The following SDAD1 variants were observed in gnomAD, a reference collection of about 807,000 sequenced individuals.
SDAD1 encodes the protein SDA1 domain containing 1, also known as protein SDA1 homolog.
SDAD1 carries 79 observed loss-of-function variants against 100.3 expected under a neutral mutation model. The ratio of observed to expected loss-of-function variants is 0.79; its 90% CI spans 0.66 to 0.95. The LOEUF (loss-of-function observed/expected upper bound fraction) is 0.95. SDAD1 is among the 40% of genes least tolerant of loss of function. The pLI, the probability that SDAD1 is intolerant of heterozygous loss-of-function variation, is 0.00. For synonymous variants in SDAD1, 267 were observed against 271.4 expected, an observed-to-expected ratio of 0.98 and a Z score of 0.16; for missense variants, 790 against 810.9, an observed-to-expected ratio of 0.97 and a Z score of 0.31.
intron 4 of SDAD1, among the ~76,000 whole-genome samples, chr4:75,976,601 G>C (rs1258641080): frequency 6.6e-6 from 1 of 152,168 alleles, no homozygotes; most frequent in Non-Finnish European, 1.5e-5. Context: ...AATTGGAATA[G>C]AGTTTCTTTT....
chr4:75,970,063 AT>A (rs1169530943), intron 10 of SDAD1, among the ~76,000 whole-genome samples: 1 of 151,890 alleles, frequency 6.6e-6, no homozygotes, highest in Non-Finnish European at 1.5e-5. Flanking sequence ...CCCTATTACA[AT>A]TGTGTTGTTA....
chr4:75,967,464 A>T, intron 11 of SDAD1, 130 bp from the exon 12 acceptor site: 1 of 725,800 alleles, frequency 1.4e-6, no homozygotes, highest in Non-Finnish European at 2.4e-6. Context: ...GTAAGCAATC[A>T]TGCCCTAGGA....
At position 75,960,183 on chromosome 4, in the gene SDAD1, T is replaced by C. The variant is rs147459496; in HGVS notation, c.1366A>G (p.Thr456Ala). The stretch of plus-strand genomic sequence containing the variant: ...ACTCTTGCTTCTATGGAGGCCTCTG[T>C]AGGCTTACCCTAAAGGAAAAGAAAT... The part of the protein sequence containing the change: ...MLQKKFRGKP[T>A]EASIEARVQE... Residue 456 changes from threonine (T) to alanine (A), a missense_variant, in exon 17 of 22, where the codon ACA becomes GCA. Thr to Ala is a moderately conservative substitution (Grantham distance 58). Coordinates refer to ENST00000356260, the MANE Select transcript of SDAD1 (RefSeq NM_018115.4). 6.3e-7 allele frequency: 1 copy of C among 1,591,654 alleles called. No homozygotes were observed. The highest frequency in any genetic ancestry group is 8.5e-7 in the Non-Finnish European group (1 of 1,173,082).
chr4:75,956,912 C>T (rs1016656497), intron 20 of SDAD1, among the ~76,000 whole-genome samples: 2 of 152,142 alleles, frequency 1.3e-5, no homozygotes, highest in Non-Finnish European at 2.9e-5. Flanking sequence ...GAGTTTGAGA[C>T]CAGCCTGGCC....
chr4:75,970,263 G>C (rs375944788), intron 10 of SDAD1, 46 bp downstream of exon 10: 65 of 1,476,284 alleles, frequency 4.4e-5, no homozygotes, highest in Non-Finnish European at 6.1e-5. Flanking sequence ...AAATAAAATA[G>C]GCAGAGATAA....
chr4:75,983,693 T>C (rs1222940177), intron 1 of SDAD1, among the ~76,000 whole-genome samples: 12 of 152,320 alleles, frequency 7.9e-5, no homozygotes, highest in Non-Finnish European at 1.6e-4. Flanking sequence ...TATTAGCCCT[T>C]TGTCAGATGG....
At chr4:75,987,833 T>C (rs1374713714) in intron 1 of SDAD1, among the ~76,000 whole-genome samples, 2 of 152,156 alleles carry the variant, frequency 1.3e-5, no homozygotes, top group African/African-American at 4.8e-5. Context: ...TGGTCAACTT[T>C]TGGTATTCAT....
At chr4:75,971,320 A>G (rs995363822) in intron 9 of SDAD1, 37 bp downstream of exon 9, 7 of 1,370,344 alleles carry the variant, frequency 5.1e-6, no homozygotes, top group Non-Finnish European at 7.3e-6. Flanking sequence ...TCTTCACTCT[A>G]ATCACTCCTA....
In SDAD1 at chr4:75,990,943, T is replaced by C. The variant is rs916376210; in HGVS notation, c.-102A>G. 27 of 1,401,850 alleles carry C rather than the reference T, an allele frequency of 1.9e-5. No homozygotes were observed. The African/African-American group carries it at 3.5e-4, about 18-fold the overall frequency. The allele number at this position is 1,401,850 out of a possible 1,614,324, so 86.8% of individuals were successfully genotyped here. A position where few individuals can be genotyped will look rare whatever the true frequency, so the allele number is the denominator to read the frequency against. ...TGCAGCTTGGACTCGTGTTTCCGGG[T>C]ATGACCGGAAATAGCGCATGGGACT... On this transcript the variant is annotated 5_prime_UTR_variant, in exon 1 of 22. The change creates a new upstream start codon in the 5' untranslated region. Transcript: ENST00000356260.
chr4:75,968,786 C>T (rs146182371), intron 11 of SDAD1, among the ~76,000 whole-genome samples: 1,580 of 152,174 alleles, frequency 0.01, 28 homozygotes, highest in African/African-American at 0.036. Flanking sequence ...AATCCCAGCA[C>T]TTTGGGAGGC....
In SDAD1 at chr4:75,960,210, G is replaced by C. The variant is rs754813521; in HGVS notation, c.1357-18C>G. 2.6e-6 allele frequency: 4 copies of C among 1,553,642 alleles called. No individual in the cohort carries two copies. The Admixed American group carries it at 8.8e-5, about 34-fold the overall frequency. The stretch of plus-strand genomic sequence containing the variant: ...GGCTTACCCTAAAGGAAAAGAAATT[G>C]TTTGTAATAAGTTGCTTAGATCATA... On this transcript the variant is annotated intron_variant, in intron 16 of 21. Transcript: ENST00000356260.
rs775759125 is a variant in SDAD1 at position 75,974,177 on chromosome 4, C to T, written c.579-44G>A. 6 of 1,507,120 alleles carry T rather than the reference C, an allele frequency of 4.0e-6. No individual in the cohort carries two copies. In the South Asian group the frequency reaches 6.8e-5, roughly 17 times the overall value. 93.4% of individuals were successfully genotyped at this position (1,507,120 alleles called of 1,614,324 possible). A position where few individuals can be genotyped will look rare whatever the true frequency, so the allele number is the denominator to read the frequency against. The stretch of plus-strand genomic sequence containing the variant: ...TGCTTTGAAGTAAATTTTCATTCTA[C>T]TGTATTTCATAGCACAGACAATGGC... On this transcript the variant is annotated intron_variant, in intron 6 of 21. Transcript: ENST00000356260.
At chr4:75,982,237 T>C (rs1433573292) in intron 1 of SDAD1, among the ~76,000 whole-genome samples, 200 bp from the exon 2 acceptor site, 1 of 152,230 alleles carries the variant, frequency 6.6e-6, no homozygotes, top group Admixed American at 6.5e-5. Context: ...ACATCACAGA[T>C]AATCTAAAGA....
chr4:75,975,825 T>C lies in SDAD1; in HGVS notation c.497A>G (p.Tyr166Cys). ...KVNVVLQNFM[Y>C]TMLRDSNATA... ...TGCATTGCTATCTCTTAACATGGTG[T>C]ACATGAAATTTTGCAATACCTGCAG... The change falls in exon 6 of 22, where the codon TAC (tyrosine) becomes TGC (cysteine). Residue 166 changes from tyrosine (Y) to cysteine (C), a missense_variant. Coordinates refer to ENST00000356260, the MANE Select transcript of SDAD1 (RefSeq NM_018115.4). 6.2e-7 allele frequency: 1 copy of C among 1,613,922 alleles called. No homozygotes were observed. The highest frequency in any genetic ancestry group is 1.1e-5 in the South Asian group (1 of 91,074).
chr4:75,967,250 A>G (rs376629802), intron 12 of SDAD1, 27 bp downstream of exon 12: 28 of 1,610,124 alleles, frequency 1.7e-5, no homozygotes, highest in Non-Finnish European at 2.3e-5. Context: ...CAAGGCCACC[A>G]AAGAAACATG....
intron 7 of SDAD1, among the ~76,000 whole-genome samples, 175 bp downstream of exon 7, chr4:75,973,901 C>T (rs192141399): frequency 1.6e-4 from 24 of 151,760 alleles, no homozygotes; most frequent in African/African-American, 5.5e-4. Context: ...TGCATGCCTG[C>T]ACATCACTGC....
At chr4:75,969,181 G>A (rs1040196256) in intron 11 of SDAD1, 115 bp downstream of exon 11, 1 of 562,750 alleles carries the variant, frequency 1.8e-6, no homozygotes, top group African/African-American at 1.9e-5. Flanking sequence ...TAAATTTTAT[G>A]TGTTTAAATG....
chr4:75,952,074 G>C (rs1728654071), intron 21 of SDAD1, among the ~76,000 whole-genome samples: 5 of 152,158 alleles, frequency 3.3e-5, no homozygotes. Context: ...CAGAAAAGCA[G>C]AAGAGCTGGG....
At chr4:75,967,100 A>G (rs1036435904) in intron 12 of SDAD1, among the ~76,000 whole-genome samples, 177 bp downstream of exon 12, 1 of 152,172 alleles carries the variant, frequency 6.6e-6, no homozygotes, top group African/African-American at 2.4e-5. Flanking sequence ...ATAGTTTCTT[A>G]AAGTTGAGGG....
Sources: allele counts gnomAD v4.1 joint callset (sites outside exome capture counted in the v4.1 genomes callset), GRCh38; gene constraint gnomAD v4.1.1; transcripts MANE v1.5; gene names NCBI Gene and HGNC (gene_info 2026-07-23, HGNC 2026-07-21).